Variants in METTL15 observed in about 807,000 individuals in gnomAD.
METTL15 encodes the protein methyltransferase 15, mitochondrial 12S rRNA N4-cytidine, also known as 12S rRNA N(4)-cytidine methyltransferase METTL15.
A neutral mutation model predicts 38.3 loss-of-function variants in METTL15; 34 were observed. That is an observed-to-expected ratio of 0.89 (90% CI 0.68 to 1.18). METTL15 has a LOEUF of 1.18. Ranked by LOEUF, METTL15 falls within the 50% of genes most tolerant of loss-of-function variation. The pLI is 0.00. For missense variants in METTL15, 438 were observed against 498.4 expected, an observed-to-expected ratio of 0.88 and a Z score of 1.15; for synonymous variants, 162 against 170.9, an observed-to-expected ratio of 0.95 and a Z score of 0.41.
chr11:28,503,796 GA>G (rs796981099), intron 6 of METTL15, among the ~76,000 whole-genome samples: 198 of 143,056 alleles, frequency 1.4e-3, no homozygotes, highest in South Asian at 2.2e-3. Flanking sequence ...ATCTCGAGGG[GA>G]AAAAAAAAAA....
intron 5 of METTL15, among the ~76,000 whole-genome samples, chr11:28,398,093 T>C (rs1256905950): frequency 2.0e-5 from 3 of 149,770 alleles, no homozygotes; most frequent in African/African-American, 7.4e-5. Context: ...TGTTGTGGGG[T>C]GGGGGGAGGT....
intron 5 of METTL15, among the ~76,000 whole-genome samples, chr11:28,290,638 C>T (rs1379164709): frequency 6.6e-6 from 1 of 152,082 alleles, no homozygotes. Flanking sequence ...AACTTTCATA[C>T]TGATTATCTT....
chr11:28,204,435 CTTTTTTTTT>C (rs59729387), intron 3 of METTL15, among the ~76,000 whole-genome samples: 39 of 79,344 alleles, frequency 4.9e-4, no homozygotes, highest in African/African-American at 7.0e-4. Context: ...CTGAGTTTTC[CTTTTTTTTT>C]TTTTTTTTTT....
chr11:28,521,323 G>A (rs1851763325), intron 6 of METTL15, among the ~76,000 whole-genome samples: 1 of 152,166 alleles, frequency 6.6e-6, no homozygotes, highest in Non-Finnish European at 1.5e-5. Context: ...GAAGGGATGG[G>A]CCCTCTAGTG....
chr11:28,218,882 A>G (rs2133857458), intron 4 of METTL15, among the ~76,000 whole-genome samples: 1 of 152,296 alleles, frequency 6.6e-6, no homozygotes, highest in South Asian at 2.1e-4. Context: ...CGTATATTGA[A>G]GCAGCCTTGC....
At chr11:28,353,546 A>G (rs559547841) in intron 4 of METTL15, among the ~76,000 whole-genome samples, 1 of 152,314 alleles carries the variant, frequency 6.6e-6, no homozygotes, top group African/African-American at 2.4e-5. Context: ...AATGAAGGAA[A>G]GATGAGGTAA....
intron 5 of METTL15, among the ~76,000 whole-genome samples, chr11:28,391,084 C>G (rs1389356022): frequency 6.6e-6 from 1 of 152,004 alleles, no homozygotes; most frequent in African/African-American, 2.4e-5. Flanking sequence ...GATTTTGTAT[C>G]CTGAGACTTT....
intron 5 of METTL15, among the ~76,000 whole-genome samples, chr11:28,377,532 G>A (rs1215674842): frequency 1.3e-5 from 2 of 151,720 alleles, no homozygotes; most frequent in African/African-American, 2.4e-5. Context: ...GCACTTCTCT[G>A]TATTGGTTAT....
chr11:28,370,202 A>G (rs1215711292), intron 5 of METTL15, among the ~76,000 whole-genome samples: 1 of 151,862 alleles, frequency 6.6e-6, no homozygotes, highest in East Asian at 1.9e-4. Flanking sequence ...AATCAACCAC[A>G]CTTCATCCCC....
chr11:28,335,623 C>T (rs1849894367), downstream of METTL15, among the ~76,000 whole-genome samples: 1 of 152,100 alleles, frequency 6.6e-6, no homozygotes. Context: ...GGGAGAGAGT[C>T]CCTCATGAAT....
intron 3 of METTL15, among the ~76,000 whole-genome samples, chr11:28,178,093 C>T (rs558472016): frequency 6.6e-6 from 1 of 151,918 alleles, no homozygotes; most frequent in African/African-American, 2.4e-5. Flanking sequence ...TGAGTGGCTG[C>T]CCAATTTGCA....
chr11:28,368,390 C>T (rs1192293025), intron 5 of METTL15, among the ~76,000 whole-genome samples: 1 of 152,042 alleles, frequency 6.6e-6, no homozygotes, highest in Non-Finnish European at 1.5e-5. Context: ...AGCCAACAGA[C>T]ATACGAAAAA....
At chr11:28,298,189 T>G (rs983208189) in intron 6 of METTL15, among the ~76,000 whole-genome samples, 1 of 152,092 alleles carries the variant, frequency 6.6e-6, no homozygotes, top group African/African-American at 2.4e-5. Context: ...ATGCCGACAT[T>G]AAAGTCATCC....
intron 3 of METTL15, among the ~76,000 whole-genome samples, chr11:28,339,724 C>T (rs2133353108): frequency 6.6e-6 from 1 of 152,048 alleles, no homozygotes; most frequent in East Asian, 1.9e-4. Flanking sequence ...AAGAAGCTCC[C>T]AAACTTTCTA....
At chr11:28,509,486 T>TA (rs202077372) in intron 6 of METTL15, among the ~76,000 whole-genome samples, 16,884 of 140,696 alleles carry the variant, frequency 0.12, 1,326 homozygotes, top group East Asian at 0.36. Flanking sequence ...ATCCTTTATT[T>TA]AAAAAAAAAA....
chr11:28,326,916 C>T (rs570546672), intron 6 of METTL15, among the ~76,000 whole-genome samples: 3 of 152,160 alleles, frequency 2.0e-5, no homozygotes, highest in South Asian at 2.1e-4. Flanking sequence ...AAAGGAATTA[C>T]AAGCATGAGC....
chr11:28,236,005 T>G (rs563800113), intron 4 of METTL15, among the ~76,000 whole-genome samples: 261 of 152,150 alleles, frequency 1.7e-3, no homozygotes, highest in Non-Finnish European at 2.9e-3. Flanking sequence ...TATTGAGAGT[T>G]TTTAGCATGA....
At chr11:28,478,937 A>G (rs927525814) in intron 6 of METTL15, among the ~76,000 whole-genome samples, 4 of 152,076 alleles carry the variant, frequency 2.6e-5, no homozygotes, top group African/African-American at 9.7e-5. Context: ...GGGAGGCCCC[A>G]TGGTTAAGGT....
intron 5 of METTL15, among the ~76,000 whole-genome samples, chr11:28,367,202 GAAA>G (rs35410826): frequency 7.1e-6 from 1 of 140,178 alleles, no homozygotes; most frequent in African/African-American, 2.7e-5. Flanking sequence ...GAGCCACTGA[GAAA>G]AAAAAAAAAA....
Sources: allele counts gnomAD v4.1 joint callset (sites outside exome capture counted in the v4.1 genomes callset), GRCh38; gene constraint gnomAD v4.1.1; transcripts MANE v1.5; gene names NCBI Gene and HGNC (gene_info 2026-07-23, HGNC 2026-07-21).